The following TEX26 variants were observed in gnomAD, a reference collection of about 807,000 sequenced individuals.
The protein encoded by TEX26 is testis expressed 26, also known as testis-expressed protein 26.
A neutral mutation model predicts 35.3 loss-of-function variants in TEX26; 34 were observed. The ratio of observed to expected loss-of-function variants is 0.96; its 90% CI spans 0.73 to 1.28. The LOEUF is 1.28. TEX26 is among the 50% of genes most tolerant of loss of function. The probability of loss-of-function intolerance (pLI) is 0.00; values close to 1 mark genes in which losing one functional copy is unlikely to be tolerated. For missense variants in TEX26, 371 were observed against 330.1 expected, an observed-to-expected ratio of 1.12 and a Z score of -0.96; for synonymous variants, 136 against 111.8, an observed-to-expected ratio of 1.22 and a Z score of -1.36.
At chr13:30,945,390 A>AT (rs954496989) in intron 2 of TEX26, among the ~76,000 whole-genome samples, 29 of 150,580 alleles carry the variant, frequency 1.9e-4, no homozygotes, top group East Asian at 1.4e-3. Context: ...TGGTTTGTGG[A>AT]TTTTTTTTTA....
At chr13:30,947,105 C>G (rs1953738569) in intron 2 of TEX26, among the ~76,000 whole-genome samples, 1 of 152,014 alleles carries the variant, frequency 6.6e-6, no homozygotes, top group African/African-American at 2.4e-5. Context: ...TTATATGACC[C>G]TAAGTACTGA....
At chr13:30,958,214 G>T (rs1169505865) in intron 4 of TEX26, among the ~76,000 whole-genome samples, 1 of 152,120 alleles carries the variant, frequency 6.6e-6, no homozygotes, top group African/African-American at 2.4e-5. Flanking sequence ...GTCTCAGGGG[G>T]TCAAAAATGA....
intron 1 of TEX26, among the ~76,000 whole-genome samples, chr13:30,935,600 G>A (rs1284778128): frequency 1.3e-5 from 2 of 152,188 alleles, no homozygotes; most frequent in Non-Finnish European, 2.9e-5. Context: ...GTACCCTCTC[G>A]ACTGCCGACA....
At chr13:30,961,197 C>T (rs182787185) in intron 4 of TEX26, among the ~76,000 whole-genome samples, 94 of 152,310 alleles carry the variant, frequency 6.2e-4, no homozygotes, top group African/African-American at 2.1e-3. Flanking sequence ...TCACTCCACT[C>T]ACCTTTTACC....
At chr13:30,940,912 T>G (rs1953475982) in intron 2 of TEX26, among the ~76,000 whole-genome samples, 1 of 152,100 alleles carries the variant, frequency 6.6e-6, no homozygotes, top group Non-Finnish European at 1.5e-5. Flanking sequence ...CACTCCAGCC[T>G]GTGTGACACA....
At chr13:30,965,173 A>G (rs1273024274) in intron 4 of TEX26, among the ~76,000 whole-genome samples, 1 of 152,172 alleles carries the variant, frequency 6.6e-6, no homozygotes, top group Non-Finnish European at 1.5e-5. Flanking sequence ...TGAGTTATCT[A>G]AAGTAAGAGG....
Position 30,939,782 on chromosome 13 carries a change from G to A in TEX26, c.146+4G>A, listed in dbSNP as rs763057323. On this transcript the variant is annotated splice_donor_region_variant and intron_variant, in intron 2 of 6. Transcript: ENST00000380473. The stretch of plus-strand genomic sequence containing the variant: ...GAGCAGTGCCTGCCTTAATTCGGTA[G>A]ATCATTATTTGTGTTGGATTGATAT... 3.7e-6 allele frequency: 6 copies of A among 1,612,302 alleles called. No individual in the cohort carries two copies. In the South Asian group the frequency reaches 6.6e-5, roughly 18 times the overall value.
At chr13:30,945,696 ATCT>A (rs1449753331) in intron 2 of TEX26, among the ~76,000 whole-genome samples, 1 of 152,034 alleles carries the variant, frequency 6.6e-6, no homozygotes, top group South Asian at 2.1e-4. Context: ...TTGTTTATAA[ATCT>A]TAGTTTTTCT....
chr13:30,937,461 C>T (rs1033074668), intron 1 of TEX26, among the ~76,000 whole-genome samples: 1 of 152,172 alleles, frequency 6.6e-6, no homozygotes, highest in Non-Finnish European at 1.5e-5. Flanking sequence ...AATATCCTTC[C>T]TGATTGTTCC....
chr13:30,951,253 G>A (rs942076198), intron 2 of TEX26, among the ~76,000 whole-genome samples: 1 of 151,908 alleles, frequency 6.6e-6, no homozygotes, highest in Non-Finnish European at 1.5e-5. Context: ...CTACTTGGGA[G>A]GCTGAGGTGG....
Position 30,968,361 on chromosome 13 carries a change from T to C in TEX26, c.647-524T>C, listed in dbSNP as rs182248293. Among the ~76,000 whole-genome samples, 3 of 152,262 alleles carry C rather than the reference T, an allele frequency of 2.0e-5. No individual in the cohort carries two copies. The East Asian group carries it at 5.8e-4, about 29-fold the overall frequency. ...CTTTTAGACCTATGAAGTCCGATCGTAGTTAATCTTTCTTAGATCCAGACA... is the reference window on the plus strand; with the variant it reads ...CTTTTAGACCTATGAAGTCCGATCGCAGTTAATCTTTCTTAGATCCAGACA... On this transcript the variant is annotated intron_variant, in intron 5 of 6. Transcript: ENST00000380473.
At chr13:30,967,292 G>A (rs1204056375) in intron 5 of TEX26, among the ~76,000 whole-genome samples, 1 of 152,038 alleles carries the variant, frequency 6.6e-6, no homozygotes, top group Non-Finnish European at 1.5e-5. Flanking sequence ...TTAGAAGGTG[G>A]CCTAGAAATT....
chr13:30,934,322 G>A (rs968137416), intron 1 of TEX26, among the ~76,000 whole-genome samples: 1 of 152,208 alleles, frequency 6.6e-6, no homozygotes. Flanking sequence ...CCAAATGGTA[G>A]GCTTGATGTG....
chr13:30,974,131 A>AAAAAATATATAT, intron 6 of TEX26, among the ~76,000 whole-genome samples: 34 of 84,410 alleles, frequency 4.0e-4, no homozygotes, highest in African/African-American at 6.2e-4. Flanking sequence ...AAAAAAAAAA[A>AAAAAATATATAT]ATATATATAT....
At position 30,966,203 on chromosome 13, in the gene TEX26, C is replaced by T. The variant is rs1409101502; in HGVS notation, c.470-19C>T. The T allele has an allele frequency of 6.2e-7, 1 of 1,613,586 alleles. No homozygotes were observed. Among genetic ancestry groups the T allele is most frequent in the Non-Finnish European group, 8.5e-7 (1 of 1,179,874 alleles). ...TTCACAAGGAGTAAGTATTGCCTTC[C>T]ATTTCCATTCCACCCCAGCTCAGAA... On this transcript the variant is annotated intron_variant, in intron 4 of 6. Transcript: ENST00000380473.
chr13:30,966,601 C>G (rs1322127608), intron 5 of TEX26, among the ~76,000 whole-genome samples: 1 of 152,008 alleles, frequency 6.6e-6, no homozygotes, highest in Non-Finnish European at 1.5e-5. Flanking sequence ...CCATGCCCAG[C>G]TAATTCTTTG....
intron 6 of TEX26, among the ~76,000 whole-genome samples, chr13:30,973,709 A>G (rs1954785043): frequency 6.6e-6 from 1 of 152,290 alleles, no homozygotes; most frequent in South Asian, 2.1e-4. Context: ...CTCCACTGGC[A>G]TTTGTGACAT....
chr13:30,937,486 G>A (rs922821443), intron 1 of TEX26, among the ~76,000 whole-genome samples: 3 of 150,610 alleles, frequency 2.0e-5, no homozygotes, highest in Non-Finnish European at 4.4e-5. Context: ...GTCCAATGCC[G>A]AAGTTCAAAT....
chr13:30,964,238 T>G (rs1220914473), intron 4 of TEX26, among the ~76,000 whole-genome samples: 1 of 152,166 alleles, frequency 6.6e-6, no homozygotes, highest in Non-Finnish European at 1.5e-5. Context: ...TCTAAGTGCC[T>G]GGGGCTCACT....
Sources: allele counts gnomAD v4.1 joint callset (sites outside exome capture counted in the v4.1 genomes callset), GRCh38; gene constraint gnomAD v4.1.1; transcripts MANE v1.5; gene names NCBI Gene and HGNC (gene_info 2026-07-23, HGNC 2026-07-21).